The following PTPRK variants were observed in gnomAD, a reference collection of about 807,000 sequenced individuals.
PTPRK encodes receptor-type tyrosine-protein phosphatase kappa.
PTPRK carries 75 observed loss-of-function variants against 178.0 expected under a neutral mutation model. The observed-to-expected ratio is 0.42, with a 90% CI of 0.35 to 0.51. The LOEUF is 0.51. Among genes scored for constraint, PTPRK ranks in the 20% least tolerant of loss-of-function variants. The pLI is 0.02. For synonymous variants in PTPRK, 637 were observed against 620.6 expected, an observed-to-expected ratio of 1.03 and a Z score of -0.39; for missense variants, 1,441 against 1,797.8, an observed-to-expected ratio of 0.80 and a Z score of 3.59.
chr6:128,302,506 A>G lies in PTPRK; in HGVS notation c.495+19533T>C, dbSNP rs1825796802. ...TTACTCAAAACATGCATTTGGAAGAAGTTAAAACCAGTCTTCTAGGCTAAA... is the reference window on the plus strand; with the variant it reads ...TTACTCAAAACATGCATTTGGAAGAGGTTAAAACCAGTCTTCTAGGCTAAA... On this transcript the variant is annotated intron_variant, in intron 3 of 29. Coordinates refer to ENST00000368226, the MANE Select transcript of PTPRK (RefSeq NM_002844.4). Among the ~76,000 whole-genome samples, 11 of 152,238 alleles carry G rather than the reference A, an allele frequency of 7.2e-5. 1 individual carries two copies. In the South Asian group the frequency reaches 2.3e-3, roughly 32 times the overall value.
chr6:128,473,079 A>G (rs1041348716), intron 1 of PTPRK, among the ~76,000 whole-genome samples: 1 of 152,252 alleles, frequency 6.6e-6, no homozygotes, highest in Admixed American at 6.5e-5. Context: ...TTTCCAGTCT[A>G]GGATTCAACC....
intron 1 of PTPRK, among the ~76,000 whole-genome samples, chr6:128,496,439 T>C (rs910295436): frequency 6.6e-6 from 1 of 152,168 alleles, no homozygotes; most frequent in Non-Finnish European, 1.5e-5. Context: ...TGTAACCCTA[T>C]GGTTCCTCGC....
At chr6:128,140,202 A>G (rs1795576611) in intron 7 of PTPRK, among the ~76,000 whole-genome samples, 1 of 152,056 alleles carries the variant, frequency 6.6e-6, no homozygotes, top group East Asian at 1.9e-4. Context: ...ATTTTACATT[A>G]CTCTGAAGAA....
intron 1 of PTPRK, among the ~76,000 whole-genome samples, chr6:128,478,895 G>A (rs889953602): frequency 2.0e-5 from 3 of 152,074 alleles, no homozygotes; most frequent in Non-Finnish European, 4.4e-5. Flanking sequence ...TGGACTCACA[G>A]GTGAGTTGAG....
At chr6:128,282,895 C>T (rs1042109551) in intron 3 of PTPRK, among the ~76,000 whole-genome samples, 3 of 151,936 alleles carry the variant, frequency 2.0e-5, no homozygotes, top group Admixed American at 1.3e-4. Context: ...GTGTACAAAA[C>T]GGAATGGTAG....
intron 18 of PTPRK, among the ~76,000 whole-genome samples, chr6:127,993,455 A>G (rs1323352903): frequency 6.6e-6 from 1 of 151,616 alleles, no homozygotes; most frequent in East Asian, 1.9e-4. Context: ...CATAAGTTGT[A>G]AAAATGTTGA....
At chr6:128,345,106 G>T (rs900923085) in intron 2 of PTPRK, among the ~76,000 whole-genome samples, 4 of 150,776 alleles carry the variant, frequency 2.7e-5, no homozygotes, top group East Asian at 2.0e-4. Context: ...ACTTTAAGAA[G>T]TCAGAGAGAG....
chr6:128,464,793 A>AT lies in PTPRK; in HGVS notation c.100+55465dup, dbSNP rs1024715049. On this transcript the variant is annotated intron_variant, in intron 1 of 29. Coordinates refer to ENST00000368226, the MANE Select transcript of PTPRK (RefSeq NM_002844.4). ...AAATTCGAGCCATAACACCAATGTTATTTTTTTTTAATTTAGAAGAAAATA... is the reference window on the plus strand; with the variant it reads ...AAATTCGAGCCATAACACCAATGTTATTTTTTTTTTAATTTAGAAGAAAATA... 8.1e-5 allele frequency among the ~76,000 whole-genome samples: 12 copies of AT among 147,438 alleles called. No individual in the cohort carries two copies. The South Asian group carries it at 1.1e-3, about 13-fold the overall frequency.
intron 3 of PTPRK, among the ~76,000 whole-genome samples, chr6:128,290,834 AAAC>A (rs1823256106): frequency 6.6e-6 from 1 of 152,162 alleles, no homozygotes; most frequent in Non-Finnish European, 1.5e-5. Flanking sequence ...GCAATGCAGG[AAAC>A]AACATCAGAT....
At chr6:128,163,150 T>A (rs1402487516) in intron 7 of PTPRK, among the ~76,000 whole-genome samples, 1 of 151,334 alleles carries the variant, frequency 6.6e-6, no homozygotes, top group East Asian at 1.9e-4. Flanking sequence ...GGGCTTAAAT[T>A]AGTTAACAAT....
chr6:128,401,780 A>AAT (rs915301695), intron 1 of PTPRK, among the ~76,000 whole-genome samples: 81 of 152,274 alleles, frequency 5.3e-4, no homozygotes, highest in African/African-American at 1.9e-3. Flanking sequence ...AAATTTTTGG[A>AAT]ATATATATAG....
intron 3 of PTPRK, among the ~76,000 whole-genome samples, chr6:128,245,954 A>G (rs1815378916): frequency 1.3e-5 from 2 of 152,298 alleles, no homozygotes; most frequent in South Asian, 4.1e-4. Context: ...TTTTAGAGCT[A>G]AGTCTTAACC....
At chr6:128,266,269 G>T (rs1818932008) in intron 3 of PTPRK, among the ~76,000 whole-genome samples, 1 of 152,098 alleles carries the variant, frequency 6.6e-6, no homozygotes, top group South Asian at 2.1e-4. Context: ...AGAAGTAAGT[G>T]CTATTGCTTG....
rs549273793 is a variant in PTPRK at position 128,147,305 on chromosome 6, G to A, written c.1162+37127C>T. Among the ~76,000 whole-genome samples the A allele has an allele frequency of 1.4e-4, 21 of 152,158 alleles. 1 individual carries two copies. The highest frequency in any genetic ancestry group is 4.8e-4 in the African/African-American group (20 of 41,522). On this transcript the variant is annotated intron_variant, in intron 7 of 29. Transcript: ENST00000368226. Reference sequence around the variant, plus strand: ...TAAATAGCTACAATAACATTTTACAGAGTTTTTTTAACTTGGAATTAGAAG... The same window carrying A: ...TAAATAGCTACAATAACATTTTACAAAGTTTTTTTAACTTGGAATTAGAAG...
chr6:128,310,027 T>C (rs1827001928), intron 3 of PTPRK, among the ~76,000 whole-genome samples: 1 of 152,134 alleles, frequency 6.6e-6, no homozygotes, highest in Non-Finnish European at 1.5e-5. Flanking sequence ...TACTAGACAA[T>C]GAATAGCCTT....
At chr6:128,342,234 C>T (rs1017014103) in intron 2 of PTPRK, among the ~76,000 whole-genome samples, 5 of 151,928 alleles carry the variant, frequency 3.3e-5, no homozygotes, top group Non-Finnish European at 7.4e-5. Context: ...GCCTGGGTGA[C>T]AGAGTGAGAC....
At chr6:128,356,046 T>G (rs1478034891) in intron 2 of PTPRK, among the ~76,000 whole-genome samples, 1 of 152,188 alleles carries the variant, frequency 6.6e-6, no homozygotes, top group African/African-American at 2.4e-5. Context: ...TATATTTAAC[T>G]TAGTCAAATA....
intron 1 of PTPRK, among the ~76,000 whole-genome samples, chr6:128,493,690 G>A (rs1854242042): frequency 6.7e-6 from 1 of 149,646 alleles, no homozygotes; most frequent in Non-Finnish European, 1.5e-5. Context: ...AGAACTAGAA[G>A]AGAGTTTAGA....
In PTPRK at chr6:128,148,699, G is replaced by C. The variant is rs571467080; in HGVS notation, c.1162+35733C>G. ...TCCGAGCAGAAACCAAGGACTGGCTGATTGCACAAAAAGAATACATTAGCC... is the reference window on the plus strand; with the variant it reads ...TCCGAGCAGAAACCAAGGACTGGCTCATTGCACAAAAAGAATACATTAGCC... On this transcript the variant is annotated intron_variant, in intron 7 of 29. Transcript: ENST00000368226. Among the ~76,000 whole-genome samples the C allele has an allele frequency of 3.3e-5, 5 of 152,144 alleles. No homozygotes were observed. In the East Asian group the frequency reaches 9.7e-4, roughly 30 times the overall value.
Sources: allele counts gnomAD v4.1 joint callset (sites outside exome capture counted in the v4.1 genomes callset), GRCh38; gene constraint gnomAD v4.1.1; transcripts MANE v1.5; gene names NCBI Gene and HGNC (gene_info 2026-07-23, HGNC 2026-07-21).